The following CNTN5 variants were observed in gnomAD, a reference collection of about 807,000 sequenced individuals.
The protein encoded by CNTN5 is contactin-5.
Under a neutral mutation model 129.1 loss-of-function variants are expected in CNTN5, and 77 were observed. The ratio of observed to expected loss-of-function variants is 0.60; its 90% CI spans 0.50 to 0.72. The LOEUF (loss-of-function observed/expected upper bound fraction) is 0.72, where lower values mean the gene tolerates loss of function less well. Among genes scored for constraint, CNTN5 ranks in the 30% least tolerant of loss-of-function variants. The pLI is 0.00. For missense variants in CNTN5, 1,478 were observed against 1,328.8 expected, an observed-to-expected ratio of 1.11 and a Z score of -1.75; for synonymous variants, 509 against 465.6, an observed-to-expected ratio of 1.09 and a Z score of -1.20.
chr11:99,817,718 A>G (rs1946639836), intron 3 of CNTN5, among the ~76,000 whole-genome samples: 1 of 151,540 alleles, frequency 6.6e-6, no homozygotes, highest in Non-Finnish European at 1.5e-5. Flanking sequence ...ACTACCTTAA[A>G]GGAAAACTCA....
intron 18 of CNTN5, among the ~76,000 whole-genome samples, chr11:100,278,418 C>T (rs1321855346): frequency 1.3e-5 from 2 of 151,978 alleles, no homozygotes; most frequent in Admixed American, 1.3e-4. Context: ...GACATTTTAA[C>T]AATATTGTTT....
intron 7 of CNTN5, among the ~76,000 whole-genome samples, chr11:99,953,806 C>CATTACG (rs1220738315): frequency 1.3e-5 from 2 of 152,088 alleles, no homozygotes; most frequent in Non-Finnish European, 2.9e-5. Flanking sequence ...TATTTGTGGC[C>CATTACG]CAAATGCGTA....
chr11:100,293,854 G>T (rs1439213061), intron 18 of CNTN5, among the ~76,000 whole-genome samples: 2 of 151,678 alleles, frequency 1.3e-5, no homozygotes, highest in South Asian at 2.1e-4. Flanking sequence ...TGGGCGGGTT[G>T]GGGGATGGTG....
chr11:100,236,554 C>G (rs747448876), intron 16 of CNTN5, among the ~76,000 whole-genome samples: 1 of 152,272 alleles, frequency 6.6e-6, no homozygotes, highest in Non-Finnish European at 1.5e-5. Flanking sequence ...TGACCTGGCT[C>G]TCAGCATAGA....
At chr11:100,279,515 G>A (rs966311107) in intron 18 of CNTN5, among the ~76,000 whole-genome samples, 43 of 151,228 alleles carry the variant, frequency 2.8e-4, no homozygotes, top group Non-Finnish European at 5.8e-4. Flanking sequence ...CTTAAGTTTT[G>A]AATTTATTCA....
intron 17 of CNTN5, among the ~76,000 whole-genome samples, chr11:100,269,250 A>G (rs1950364595): frequency 6.6e-6 from 1 of 152,194 alleles, no homozygotes; most frequent in African/African-American, 2.4e-5. Flanking sequence ...AACAGAGACC[A>G]TTCACTGGTA....
At chr11:99,173,863 G>A (rs1857644825) in intron 1 of CNTN5, among the ~76,000 whole-genome samples, 1 of 152,184 alleles carries the variant, frequency 6.6e-6, no homozygotes, top group Non-Finnish European at 1.5e-5. Flanking sequence ...GCCCAGACAA[G>A]AGAGATGGTA....
At position 100,224,622 on chromosome 11, in the gene CNTN5, T is replaced by C; in HGVS notation, c.1885-70T>C. 3.3e-6 allele frequency: 5 copies of C among 1,501,238 alleles called. No individual in the cohort carries two copies. The South Asian group carries it at 4.0e-5, about 12-fold the overall frequency. 93.0% of individuals were successfully genotyped at this position (1,501,238 alleles called of 1,614,324 possible). ...GGGCCCTTTTACTGAATATGCAAAG[T>C]TCCCCCTTAAGCCACCTTGAACTAG... On this transcript the variant is annotated intron_variant, in intron 15 of 24. Transcript: ENST00000524871.
intron 1 of CNTN5, among the ~76,000 whole-genome samples, chr11:99,073,252 A>G (rs544565725): frequency 6.6e-6 from 1 of 151,894 alleles, no homozygotes; most frequent in Non-Finnish European, 1.5e-5. Context: ...GAGATGGTTG[A>G]GTCATAGACT....
intron 2 of CNTN5, among the ~76,000 whole-genome samples, chr11:99,482,875 C>CA (rs934018090): frequency 4.7e-5 from 7 of 148,778 alleles, no homozygotes; most frequent in African/African-American, 9.8e-5. Context: ...TAAATATTTG[C>CA]AAAAAAACAC....
chr11:99,107,471 T>C lies in CNTN5; in HGVS notation c.-210+86201T>C, dbSNP rs1424618791. Among the ~76,000 whole-genome samples the C allele has an allele frequency of 2.6e-5, 4 of 152,194 alleles. No individual in the cohort carries two copies. In the East Asian group the frequency reaches 7.7e-4, roughly 29 times the overall value. On this transcript the variant is annotated intron_variant, in intron 1 of 24. Coordinates refer to ENST00000524871, the MANE Select transcript of CNTN5 (RefSeq NM_014361.4). ...TACATATTTTAGTTTAGTCTTTATGTAGTTAATAAATAATTATGCTTAGTT... is the reference window on the plus strand; with the variant it reads ...TACATATTTTAGTTTAGTCTTTATGCAGTTAATAAATAATTATGCTTAGTT...
chr11:99,161,664 A>G (rs2135515397), intron 1 of CNTN5, among the ~76,000 whole-genome samples: 1 of 152,290 alleles, frequency 6.6e-6, no homozygotes, highest in South Asian at 2.1e-4. Flanking sequence ...TAAGTGAGAA[A>G]AATATAACCT....
At chr11:99,057,292 A>G (rs1008387874) in intron 1 of CNTN5, among the ~76,000 whole-genome samples, 5 of 151,988 alleles carry the variant, frequency 3.3e-5, no homozygotes, top group African/African-American at 1.2e-4. Flanking sequence ...AACTCTGTCT[A>G]CTATAAAGTT....
Position 99,799,263 on chromosome 11 carries a change from G to A in CNTN5, c.56-20281G>A, listed in dbSNP as rs115638797. On this transcript the variant is annotated intron_variant, in intron 3 of 24. Transcript: ENST00000524871. ...TTTCTTCCTTCTGCTTGATTACTCT[G>A]GCTAGCACTTCCAGTATTATGTTAA... 5.5e-3 allele frequency among the ~76,000 whole-genome samples: 835 copies of A among 151,332 alleles called. 17 individuals carry two copies. The highest frequency in any genetic ancestry group is 0.019 in the African/African-American group (796 of 41,214).
intron 3 of CNTN5, among the ~76,000 whole-genome samples, chr11:99,578,781 C>CCTA (rs1949459795): frequency 6.6e-6 from 1 of 152,108 alleles, no homozygotes; most frequent in South Asian, 2.1e-4. Context: ...CTGTAGGTTG[C>CCTA]CTGTTCATTC....
intron 13 of CNTN5, among the ~76,000 whole-genome samples, chr11:100,149,796 G>A (rs924119165): frequency 1.3e-5 from 2 of 151,306 alleles, no homozygotes; most frequent in African/African-American, 4.9e-5. Flanking sequence ...TTGGGAGGCT[G>A]AGGCAGAAGA....
intron 3 of CNTN5, among the ~76,000 whole-genome samples, chr11:99,744,729 A>AC (rs1943998341): frequency 6.6e-6 from 1 of 150,904 alleles, no homozygotes; most frequent in Non-Finnish European, 1.5e-5. Flanking sequence ...CAGAAAAAAA[A>AC]AAAAAAAAAA....
intron 24 of CNTN5, among the ~76,000 whole-genome samples, chr11:100,355,579 A>G (rs1280329839): frequency 1.3e-5 from 2 of 149,802 alleles, no homozygotes; most frequent in Non-Finnish European, 3.0e-5. Flanking sequence ...GTTTGTTTAC[A>G]CCAGCATCAC....
Position 99,449,473 on chromosome 11 carries a change from A to C in CNTN5, c.-70-106672A>C, listed in dbSNP as rs1344794809. ...TATTTAAAATGTCCTTTCTAATATG[A>C]ACAAATAATACTTAAGGAGTTTGCC... On this transcript the variant is annotated intron_variant, in intron 2 of 24. Coordinates refer to ENST00000524871, the MANE Select transcript of CNTN5 (RefSeq NM_014361.4). Among the ~76,000 whole-genome samples the C allele has an allele frequency of 2.6e-5, 4 of 152,238 alleles. No individual in the cohort carries two copies. The East Asian group carries it at 7.7e-4, about 29-fold the overall frequency.
Sources: gnomAD v4.1 joint callset for allele counts (sites outside exome capture counted in the v4.1 genomes callset) on GRCh38, gnomAD v4.1.1 for gene constraint, MANE v1.5 for transcripts, NCBI Gene and HGNC (gene_info 2026-07-23, HGNC 2026-07-21) for gene names.